Variants in RYR1 observed in about 807,000 individuals in gnomAD.
The protein encoded by RYR1 is central core disease of muscle.
In RYR1, 342 loss-of-function variants were observed where a neutral mutation model predicts 583.5. That is an observed-to-expected ratio of 0.59 (90% CI 0.54 to 0.64). The LOEUF (loss-of-function observed/expected upper bound fraction) is 0.64. RYR1 is among the 30% of genes least tolerant of loss of function. The probability of loss-of-function intolerance (pLI) is 0.00; values close to 1 mark genes in which losing one functional copy is unlikely to be tolerated. For synonymous variants in RYR1, 2,791 were observed against 2,822.5 expected (o/e 0.99, Z 0.35); for missense variants, 6,032 against 6,917.2 (o/e 0.87, Z 4.54).
rs1276990726 is a variant in RYR1 at position 38,565,158 on chromosome 19, C to T, written c.12824C>T (p.Ala4275Val). Residue 4275 changes from alanine (A) to valine (V), a missense_variant, in exon 91 of 106, where the codon GCG becomes GTG. Ala to Val is a moderately conservative substitution (Grantham distance 64). Around this residue, in one of 11 missense-constraint regions of RYR1, gnomAD observed 753 missense variants for 759.6 expected, o/e 0.99. Coordinates refer to ENST00000359596, the MANE Select transcript of RYR1 (RefSeq NM_000540.3). This position sits in a 1 kb window ranked among gnomAD's most constrained non-coding sequence, Gnocchi z 4.7. ...GCGGCGGAGGCGGGCGCGGAAGGCG[C>T]GGAGGAGGGCGCGGCGGGGCTCGAG... ...AGAAEAGAEG[A>V]EEGAAGLEGT... is the part of the protein sequence containing the mutation. 3 of 1,482,312 alleles carry T rather than the reference C, an allele frequency of 2.0e-6. No homozygotes were observed. Among genetic ancestry groups the T allele is most frequent in the Non-Finnish European group, 2.7e-6 (3 of 1,117,332 alleles). 91.8% of individuals were successfully genotyped at this position (1,482,312 alleles called of 1,614,324 possible).
At chr19:38,476,486 C>T (rs985845399) in intron 29 of RYR1, among the ~76,000 whole-genome samples, 2 of 152,154 alleles carry the variant, frequency 1.3e-5, no homozygotes, top group Non-Finnish European at 2.9e-5. Flanking sequence ...CATGAGCCAC[C>T]GTGCCTGGCC....
At position 38,490,698 on chromosome 19, in the gene RYR1, G is replaced by T. The variant is rs1240099830; in HGVS notation, c.6093G>T (p.Leu2031Phe). 6.2e-7 allele frequency: 1 copy of T among 1,613,776 alleles called. No homozygotes were observed. The highest frequency in any genetic ancestry group is 1.3e-5 in the African/African-American group (1 of 74,932). ...TCCCTGAAGAGATTCGACAGGATTT[G>T]CTTGACTTTCATCAAGACCTGCTGG... ...CPLPEEIRQD[L>F]LDFHQDLLAH... Residue 2031 changes from leucine to phenylalanine, a missense_variant, in exon 37 of 106, where the codon TTG becomes TTT. Coordinates refer to ENST00000359596, the MANE Select transcript of RYR1 (RefSeq NM_000540.3).
At position 38,475,439 on chromosome 19, in the gene RYR1, A is replaced by C. The variant is rs1256329279; in HGVS notation, c.4282A>C (p.Asn1428His). The C allele has an allele frequency of 2.5e-6, 4 of 1,613,628 alleles. No individual in the cohort carries two copies. The African/African-American group carries it at 4.0e-5, about 16-fold the overall frequency. Residue 1428 changes from asparagine to histidine, a missense_variant, in exon 29 of 106, where the codon AAC becomes CAC. Physicochemically the swap from Asn to His is moderately conservative, Grantham distance 68 (BLOSUM62 1). Transcript: ENST00000359596. ...DNRDDPEIILNTTTYYYSVRV... is the reference protein window; with the variant it reads ...DNRDDPEIILHTTTYYYSVRV... ...CCGCGATGACCCCGAGATCATCCTC[A>C]ACACCACCACGGTGTGGACCAGTAA...
chr19:38,578,043 G>A lies in RYR1; in HGVS notation c.14298G>A (p.Leu4766=), dbSNP rs2145888696. The part of the protein sequence containing the change: ...ERKPNPPPGL[L]TWLMSIDVKY... ...AGCCCAACCCGCCGCCAGGGCTGCTGACCTGGTGAGCCCAGGACACCCCTG... is the reference window on the plus strand; with the variant it reads ...AGCCCAACCCGCCGCCAGGGCTGCTAACCTGGTGAGCCCAGGACACCCCTG... The change falls in exon 98 of 106, where the codon CTG becomes CTA. Residue 4766 remains leucine, a synonymous_variant. Coordinates refer to ENST00000359596, the MANE Select transcript of RYR1 (RefSeq NM_000540.3). 9.3e-6 allele frequency: 15 copies of A among 1,614,098 alleles called. No individual in the cohort carries two copies. The highest frequency in any genetic ancestry group is 1.0e-5 in the Non-Finnish European group (12 of 1,179,988).
At chr19:38,545,323 G>A (rs753334123) in intron 87 of RYR1, among the ~76,000 whole-genome samples, 10 of 152,134 alleles carry the variant, frequency 6.6e-5, no homozygotes, top group East Asian at 3.8e-4. Flanking sequence ...AACCACAGGC[G>A]CCCACCCACT....
chr19:38,480,254 C>T (rs1968942297), intron 31 of RYR1, among the ~76,000 whole-genome samples: 1 of 151,864 alleles, frequency 6.6e-6, no homozygotes, highest in African/African-American at 2.4e-5. Context: ...GTGATCCTCC[C>T]ACCTCAGCCT....
chr19:38,494,221 G>A (rs991438065), intron 38 of RYR1, 131 bp from the exon 39 acceptor site: 36 of 996,938 alleles, frequency 3.6e-5, no homozygotes, highest in Admixed American at 5.5e-5. Flanking sequence ...CCCAGCAGGT[G>A]GAGGGCGCAG....
chr19:38,548,920 A>G (rs954383404), intron 89 of RYR1, among the ~76,000 whole-genome samples: 2 of 152,174 alleles, frequency 1.3e-5, no homozygotes, highest in African/African-American at 4.8e-5. Context: ...ATTAACACAG[A>G]TGAGAACCGT....
At chr19:38,581,565 C>T (rs115347874) in intron 101 of RYR1, among the ~76,000 whole-genome samples, 2 of 151,822 alleles carry the variant, frequency 1.3e-5, no homozygotes, top group Non-Finnish European at 2.9e-5. Flanking sequence ...CACACCTCTT[C>T]GCCATTGTTT....
chr19:38,469,423 T>A lies in RYR1; in HGVS notation c.3675T>A (p.Phe1225Leu), dbSNP rs1209071401. 6.2e-7 allele frequency: 1 copy of A among 1,614,162 alleles called. No homozygotes were observed. The change falls in exon 27 of 106, where the codon TTT becomes TTA. Residue 1225 changes from phenylalanine to leucine, a missense_variant. By Grantham distance (22) the Phe-to-Leu change is conservative. Transcript: ENST00000359596. The stretch of plus-strand genomic sequence containing the variant: ...GCCTCCAGGAAGGCTTCGAGCCATT[T>A]GCCATCAACATGCAGCGCCCAGTCA... Reference protein sequence around the residue: ...ICGLQEGFEPFAINMQRPVTT... With the variant: ...ICGLQEGFEPLAINMQRPVTT...
At chr19:38,528,441 A>G (rs1568541957) in intron 74 of RYR1, 23 bp downstream of exon 74, 1 of 1,611,226 alleles carries the variant, frequency 6.2e-7, no homozygotes, top group South Asian at 1.1e-5. Flanking sequence ...GGGACAAGGG[A>G]AGCGTGAAGG....
Position 38,523,216 on chromosome 19 carries a change from G to C in RYR1, c.10348-1G>C, listed in dbSNP as rs112580338. On this transcript the variant is annotated splice_acceptor_variant, in intron 68 of 105. Coordinates refer to ENST00000359596, the MANE Select transcript of RYR1 (RefSeq NM_000540.3). LOFTEE classifies it high-confidence loss of function. ...GTCTGCAACACTGCTTCCCCCACCAGAACTTCAAGCGCGAGGAGCAGAACT... is the reference window on the plus strand; with the variant it reads ...GTCTGCAACACTGCTTCCCCCACCACAACTTCAAGCGCGAGGAGCAGAACT... 2 of 1,614,204 alleles carry C rather than the reference G, an allele frequency of 1.2e-6. No individual in the cohort carries two copies. Among genetic ancestry groups the C allele is most frequent in the Non-Finnish European group, 1.7e-6 (2 of 1,180,036 alleles).
intron 89 of RYR1, among the ~76,000 whole-genome samples, chr19:38,555,505 G>A (rs1170933080): frequency 6.7e-6 from 1 of 149,882 alleles, no homozygotes; most frequent in Non-Finnish European, 1.5e-5. Flanking sequence ...ATGTGTGTGT[G>A]GCCTTAAAAG....
At chr19:38,475,581 ACT>A (rs1968680762) in intron 29 of RYR1, 131 bp downstream of exon 29, 3 of 1,139,536 alleles carry the variant, frequency 2.6e-6, no homozygotes, top group Non-Finnish European at 3.8e-6. Flanking sequence ...TACACTAGAA[ACT>A]CATAAAATAT....
chr19:38,564,926 G>GCGCCCTATCCTGTCTGC (rs1161663481), intron 90 of RYR1, 33 bp from the exon 91 acceptor site: 3 of 1,555,146 alleles, frequency 1.9e-6, no homozygotes, highest in Admixed American at 1.9e-5. Flanking sequence ...CCCGCTGACG[G>GCGCCCTATCCTGTCTGC]CGCCCTATCC....
chr19:38,536,487 A>G (rs1427930800), intron 82 of RYR1, among the ~76,000 whole-genome samples: 1 of 147,598 alleles, frequency 6.8e-6, no homozygotes, highest in Non-Finnish European at 1.5e-5. Context: ...TTCTACCTCT[A>G]TGTCTTCATC....
intron 93 of RYR1, among the ~76,000 whole-genome samples, chr19:38,568,813 C>T (rs1973571629): frequency 1.3e-5 from 2 of 151,754 alleles, no homozygotes; most frequent in South Asian, 4.2e-4. Context: ...GAAGGTGGTT[C>T]CGTCAGAATT....
Position 38,505,035 on chromosome 19 carries a change from T to C in RYR1, c.8264T>C (p.Ile2755Thr). ...ATCCCGGAGAAGCTGGACTCCTTCA[T>C]TAACAAGTTTGCGGAGTACACACAC... Reference protein sequence around the residue: ...VIIPEKLDSFINKFAEYTHEK... With the variant: ...VIIPEKLDSFTNKFAEYTHEK... Residue 2755 changes from isoleucine (I) to threonine (T), a missense_variant, in exon 52 of 106, where the codon ATT becomes ACT. Ile to Thr is a moderately conservative substitution (Grantham distance 89, BLOSUM62 -1). Transcript: ENST00000359596. The C allele has an allele frequency of 6.2e-7, 1 of 1,614,154 alleles. No homozygotes were observed. Among genetic ancestry groups the C allele is most frequent in the East Asian group, 2.2e-5 (1 of 44,878 alleles).
chr19:38,566,620 A>G (rs866956033), intron 91 of RYR1, among the ~76,000 whole-genome samples: 10 of 151,906 alleles, frequency 6.6e-5, no homozygotes, highest in Middle Eastern at 3.2e-3. Context: ...GGTGCTGGGA[A>G]TGCCTTGGGA....
Sources: gnomAD v4.1 joint callset for allele counts (sites outside exome capture counted in the v4.1 genomes callset) on GRCh38, gnomAD v4.1.1 for gene constraint, gnomAD v4.1.1 regional missense constraint, Gnocchi (gnomAD v3.1) non-coding constraint, MANE v1.5 for transcripts, NCBI Gene and HGNC (gene_info 2026-07-23, HGNC 2026-07-21) for gene names.